The following NFIB variants were observed in gnomAD, a reference collection of about 807,000 sequenced individuals.
NFIB encodes nuclear factor 1 B-type.
Under a neutral mutation model 61.5 loss-of-function variants are expected in NFIB, and 11 were observed. The ratio of observed to expected loss-of-function variants is 0.18; its 90% CI spans 0.11 to 0.30. The LOEUF is 0.30. Among genes scored for constraint, NFIB ranks in the 10% least tolerant of loss-of-function variants. The pLI is 1.00. For missense variants in NFIB, 471 were observed against 608.9 expected (o/e 0.77, Z 2.38); for synonymous variants, 260 against 216.5 (o/e 1.20, Z -1.76).
chr9:14,522,550 A>G, the NFIB span, among the ~76,000 whole-genome samples: 1 of 152,192 alleles, frequency 6.6e-6, no homozygotes, highest in Non-Finnish European at 1.5e-5. Context: ...CTAACAGGAA[A>G]CCAGAGGAAA....
chr9:14,474,102 C>G, the NFIB span, among the ~76,000 whole-genome samples: 1 of 152,142 alleles, frequency 6.6e-6, no homozygotes, highest in African/African-American at 2.4e-5. Flanking sequence ...GATTTTTTCC[C>G]TTAACATTTA....
the NFIB span, among the ~76,000 whole-genome samples, chr9:14,519,878 T>C: frequency 6.6e-6 from 1 of 152,226 alleles, no homozygotes; most frequent in Non-Finnish European, 1.5e-5. Flanking sequence ...GCCTAGGCCC[T>C]TAACCATAAT....
intron 1 of NFIB, among the ~76,000 whole-genome samples, chr9:14,393,646 A>G (rs1041598063): frequency 6.6e-6 from 1 of 152,146 alleles, no homozygotes; most frequent in African/African-American, 2.4e-5. Context: ...CATCCAAAAA[A>G]CTAACTCAAG....
chr9:14,117,431 C>T (rs1563801638), intron 8 of NFIB, among the ~76,000 whole-genome samples: 1 of 151,868 alleles, frequency 6.6e-6, no homozygotes, highest in South Asian at 2.1e-4. Context: ...GTGTTCATCG[C>T]AATTTGCTGG....
chr9:14,127,228 C>CAGGG (rs1354515322), intron 6 of NFIB, among the ~76,000 whole-genome samples: 1 of 152,164 alleles, frequency 6.6e-6, no homozygotes, highest in Non-Finnish European at 1.5e-5. Flanking sequence ...TTGGAATAAG[C>CAGGG]AGGGAGTTGA....
intron 2 of NFIB, among the ~76,000 whole-genome samples, chr9:14,233,698 G>A (rs866458025): frequency 8.5e-5 from 13 of 152,102 alleles, no homozygotes; most frequent in South Asian, 8.3e-4. Flanking sequence ...CCAAAGTGCT[G>A]GGATTACAGG....
chr9:14,336,514 G>C lies in NFIB; in HGVS notation c.109-28994C>G, dbSNP rs995717906. Reference sequence around the variant, plus strand: ...TATGGTAATGCTTACAAGTAACCAGGCATTGCTGGGTGTTTTGTATATAGC... The same window carrying C: ...TATGGTAATGCTTACAAGTAACCAGCCATTGCTGGGTGTTTTGTATATAGC... On this transcript the variant is annotated intron_variant, in intron 1 of 8. Coordinates refer to the NFIB transcript ENST00000380934. 2.6e-5 allele frequency among the ~76,000 whole-genome samples: 4 copies of C among 152,196 alleles called. No individual in the cohort carries two copies. In the East Asian group the frequency reaches 5.8e-4, roughly 22 times the overall value.
intron 1 of NFIB, among the ~76,000 whole-genome samples, chr9:14,353,192 G>A (rs1289979630): frequency 6.6e-6 from 1 of 152,176 alleles, no homozygotes; most frequent in African/African-American, 2.4e-5. Flanking sequence ...GGGGCAGACA[G>A]AGGGTGGTGA....
chr9:14,477,448 G>C, the NFIB span, among the ~76,000 whole-genome samples: 2 of 152,112 alleles, frequency 1.3e-5, no homozygotes, highest in African/African-American at 4.8e-5. Context: ...CAAATAATGA[G>C]ATTGGCCTAA....
intron 2 of NFIB, among the ~76,000 whole-genome samples, chr9:14,278,064 T>G (rs1329207896): frequency 6.6e-6 from 1 of 152,156 alleles, no homozygotes; most frequent in Non-Finnish European, 1.5e-5. Context: ...CTTACGACCA[T>G]GAGTTTTGGT....
At chr9:14,302,136 A>G (rs967586986) in intron 2 of NFIB, among the ~76,000 whole-genome samples, 1 of 152,248 alleles carries the variant, frequency 6.6e-6, no homozygotes, top group Non-Finnish European at 1.5e-5. Flanking sequence ...ATTTTTTCCC[A>G]TAATGGGAAA....
At chr9:14,153,560 C>T (rs2043084521) in intron 4 of NFIB, among the ~76,000 whole-genome samples, 1 of 152,084 alleles carries the variant, frequency 6.6e-6, no homozygotes, top group African/African-American at 2.4e-5. Context: ...CCTTATTGTT[C>T]TCCTCACTCC....
chr9:14,382,354 G>C (rs1177552779), intron 1 of NFIB, among the ~76,000 whole-genome samples: 2 of 151,934 alleles, frequency 1.3e-5, no homozygotes, highest in African/African-American at 2.4e-5. Flanking sequence ...ATGAGAGAGA[G>C]AGAGAGAGAG....
Position 14,313,743 on chromosome 9 carries a change from T to A in NFIB, c.-232A>T. On this transcript the variant is annotated 5_prime_UTR_variant, in exon 1 of 11. Coordinates refer to ENST00000380953, the MANE Select transcript of NFIB (RefSeq NM_001190737.2). This position sits in a 1 kb window ranked among gnomAD's most constrained non-coding sequence, Gnocchi z 4.5. ...AGGGGTGAAATCCAATCTACACTTTTAACCCTCTTGCAGTCCGAGCGCGCT... is the reference window on the plus strand; with the variant it reads ...AGGGGTGAAATCCAATCTACACTTTAAACCCTCTTGCAGTCCGAGCGCGCT... The A allele has an allele frequency of 7.2e-7, 1 of 1,389,498 alleles. No individual in the cohort carries two copies. Among genetic ancestry groups the A allele is most frequent in the Non-Finnish European group, 9.3e-7 (1 of 1,073,430 alleles). 86.1% of individuals were successfully genotyped at this position (1,389,498 alleles called of 1,614,324 possible). A position where few individuals can be genotyped will look rare whatever the true frequency, so the allele number is the denominator to read the frequency against.
At chr9:14,420,445 C>CAAAAAAAAAAAAAA in the NFIB span, among the ~76,000 whole-genome samples, 17 of 42,428 alleles carry the variant, frequency 4.0e-4, 3 homozygotes, top group African/African-American at 1.1e-3. Context: ...GACTCCGTCT[C>CAAAAAAAAAAAAAA]AAAAAAAAAA....
At chr9:14,383,201 G>A (rs2061508052) in intron 1 of NFIB, among the ~76,000 whole-genome samples, 1 of 152,194 alleles carries the variant, frequency 6.6e-6, no homozygotes, top group Non-Finnish European at 1.5e-5. Flanking sequence ...TATCTAATAT[G>A]TGAAGTTTAA....
intron 1 of NFIB, among the ~76,000 whole-genome samples, chr9:14,326,478 A>G (rs1319477528): frequency 6.6e-6 from 1 of 152,170 alleles, no homozygotes; most frequent in Non-Finnish European, 1.5e-5. Flanking sequence ...CACTAACTAC[A>G]TGCTGCACCT....
the NFIB span, among the ~76,000 whole-genome samples, chr9:14,432,110 G>T: frequency 6.6e-6 from 1 of 152,158 alleles, no homozygotes; most frequent in Non-Finnish European, 1.5e-5. Flanking sequence ...CTCTCCCCAT[G>T]TACACAGTTG....
chr9:14,420,903 T>C, the NFIB span, among the ~76,000 whole-genome samples: 3 of 152,308 alleles, frequency 2.0e-5, no homozygotes, highest in African/African-American at 7.2e-5. Flanking sequence ...CCACTAATTA[T>C]ATAAGCTTTT....
Sources: gnomAD v4.1 joint callset for allele counts (sites outside exome capture counted in the v4.1 genomes callset) on GRCh38, gnomAD v4.1.1 for gene constraint, Gnocchi (gnomAD v3.1) non-coding constraint, MANE v1.5 for transcripts, NCBI Gene and HGNC (gene_info 2026-07-23, HGNC 2026-07-21) for gene names.